Variants in ESRRG observed in about 807,000 individuals in gnomAD.
ESRRG encodes the protein estrogen related receptor gamma.
Under a neutral mutation model 44.0 loss-of-function variants are expected in ESRRG, and 13 were observed. That is an observed-to-expected ratio of 0.30 (90% CI 0.19 to 0.47). The LOEUF (loss-of-function observed/expected upper bound fraction) is 0.47, where lower values mean the gene tolerates loss of function less well. ESRRG is among the 20% of genes least tolerant of loss of function. The pLI is 1.00. For missense variants in ESRRG, 395 were observed against 580.6 expected (o/e 0.68, Z 3.29); for synonymous variants, 215 against 214.6 (o/e 1.00, Z -0.02).
chr1:216,673,836 G>A lies in ESRRG; in HGVS notation c.472+3240C>T, dbSNP rs115059377. On this transcript the variant is annotated intron_variant, in intron 2 of 6. Coordinates refer to ENST00000408911, the MANE Select transcript of ESRRG (RefSeq NM_001438.4). Reference sequence around the variant, plus strand: ...TACTTCCTCAAGGCAGGAGACATTTGTTAGAGGAATTCATCTCAATCCACA... The same window carrying A: ...TACTTCCTCAAGGCAGGAGACATTTATTAGAGGAATTCATCTCAATCCACA... 3.3e-3 allele frequency among the ~76,000 whole-genome samples: 500 copies of A among 152,282 alleles called. 1 individual carries two copies. Among genetic ancestry groups the A allele is most frequent in the African/African-American group, 0.012 (490 of 41,544 alleles).
chr1:216,779,448 T>TTATAAA (rs1409128917), intron 2 of ESRRG, among the ~76,000 whole-genome samples: 1 of 24,350 alleles, frequency 4.1e-5, no homozygotes, highest in East Asian at 8.9e-4. Flanking sequence ...AAATAAATAT[T>TTATAAA]TATAAATATA....
At chr1:216,900,618 T>C (rs2149481080) in intron 2 of ESRRG, among the ~76,000 whole-genome samples, 1 of 152,304 alleles carries the variant, frequency 6.6e-6, no homozygotes, top group South Asian at 2.1e-4. Flanking sequence ...CAAACTTTTA[T>C]ATGAAGAGTC....
intron 1 of ESRRG, among the ~76,000 whole-genome samples, chr1:216,700,128 T>TC (rs1202839472): frequency 6.6e-6 from 1 of 151,050 alleles, no homozygotes; most frequent in Non-Finnish European, 1.5e-5. Flanking sequence ...CCGCACCTTT[T>TC]TTTTTTTAAC....
At chr1:216,902,082 T>G (rs2059141971) in intron 2 of ESRRG, among the ~76,000 whole-genome samples, 1 of 152,220 alleles carries the variant, frequency 6.6e-6, no homozygotes, top group Non-Finnish European at 1.5e-5. Context: ...TTCATCTACA[T>G]GATCTTCTCA....
At chr1:216,788,979 G>T (rs1459013748) in intron 2 of ESRRG, among the ~76,000 whole-genome samples, 1 of 152,168 alleles carries the variant, frequency 6.6e-6, no homozygotes, top group African/African-American at 2.4e-5. Context: ...GATAAAACTT[G>T]AATAGAGGAG....
intron 2 of ESRRG, among the ~76,000 whole-genome samples, chr1:216,899,301 C>A (rs1053064706): frequency 6.6e-6 from 1 of 152,006 alleles, no homozygotes; most frequent in East Asian, 1.9e-4. Context: ...CTTATTAGTG[C>A]GAAACTTTAT....
chr1:217,076,713 T>C (rs1340674941), intron 1 of ESRRG: 2 of 152,224 alleles, frequency 1.3e-5, no homozygotes, highest in African/African-American at 4.8e-5. Flanking sequence ...AGTTGTACCA[T>C]TTAAAAGCTA....
At chr1:216,924,719 G>A (rs953047112) in intron 2 of ESRRG, among the ~76,000 whole-genome samples, 1 of 152,130 alleles carries the variant, frequency 6.6e-6, no homozygotes, top group Admixed American at 6.6e-5. Flanking sequence ...ATGGCTTTTT[G>A]TTGTTATTGA....
chr1:216,555,350 T>C (rs540088690), intron 5 of ESRRG, among the ~76,000 whole-genome samples: 1 of 152,356 alleles, frequency 6.6e-6, no homozygotes, highest in East Asian at 1.9e-4. Context: ...AAGGTAACAA[T>C]TCTATTTTGT....
At chr1:216,888,764 G>A (rs923603228) in intron 2 of ESRRG, among the ~76,000 whole-genome samples, 3 of 151,286 alleles carry the variant, frequency 2.0e-5, no homozygotes, top group African/African-American at 7.3e-5. Flanking sequence ...ATAGAGCCCC[G>A]AAGATCAATA....
At chr1:216,586,067 AT>A (rs1558655382) in intron 3 of ESRRG, among the ~76,000 whole-genome samples, 1 of 148,458 alleles carries the variant, frequency 6.7e-6, no homozygotes, top group African/African-American at 2.5e-5. Flanking sequence ...TAATAAAGTT[AT>A]TTTTTAAAAG....
chr1:216,675,365 A>T (rs1424600319), intron 2 of ESRRG, among the ~76,000 whole-genome samples: 3 of 152,136 alleles, frequency 2.0e-5, no homozygotes, highest in Non-Finnish European at 4.4e-5. Context: ...TGCCTCAAAA[A>T]GAAAAAAAAA....
At chr1:216,592,503 C>CTTT (rs796962095) in intron 3 of ESRRG, among the ~76,000 whole-genome samples, 2 of 147,562 alleles carry the variant, frequency 1.4e-5, no homozygotes, top group Admixed American at 1.4e-4. Flanking sequence ...TGTCATCTAT[C>CTTT]TTTTTTTTTT....
At chr1:216,711,474 T>G (rs900334685) in intron 1 of ESRRG, among the ~76,000 whole-genome samples, 2 of 152,164 alleles carry the variant, frequency 1.3e-5, no homozygotes, top group African/African-American at 4.8e-5. Context: ...TTTGAGGTGT[T>G]GGTATCTTTT....
chr1:216,790,128 G>T (rs529514167), intron 2 of ESRRG, among the ~76,000 whole-genome samples: 1 of 152,252 alleles, frequency 6.6e-6, no homozygotes, highest in Admixed American at 6.5e-5. Context: ...CATCAGGCTG[G>T]ATCTCCTAAA....
intron 2 of ESRRG, among the ~76,000 whole-genome samples, chr1:216,844,113 C>T (rs2095698875): frequency 6.6e-6 from 1 of 152,076 alleles, no homozygotes; most frequent in South Asian, 2.1e-4. Context: ...AGGAAGAAGG[C>T]TCTGCTTCTC....
At chr1:216,604,201 A>T (rs1448912330) in intron 3 of ESRRG, among the ~76,000 whole-genome samples, 3 of 152,190 alleles carry the variant, frequency 2.0e-5, no homozygotes, top group Non-Finnish European at 4.4e-5. Flanking sequence ...GCAAAAACTG[A>T]ACAGGGATTG....
chr1:216,580,082 G>A (rs576705232), intron 3 of ESRRG, among the ~76,000 whole-genome samples: 3 of 152,078 alleles, frequency 2.0e-5, no homozygotes, highest in African/African-American at 7.2e-5. Context: ...AAATGATTTT[G>A]GTGTATGTTG....
At chr1:216,839,745 C>T (rs1438485944) in intron 2 of ESRRG, among the ~76,000 whole-genome samples, 2 of 152,188 alleles carry the variant, frequency 1.3e-5, no homozygotes, top group Non-Finnish European at 2.9e-5. Flanking sequence ...ATGAAACCTT[C>T]ATCTCCTTGT....
Sources: gnomAD v4.1 joint callset for allele counts (sites outside exome capture counted in the v4.1 genomes callset) on GRCh38, gnomAD v4.1.1 for gene constraint, MANE v1.5 for transcripts, NCBI Gene and HGNC (gene_info 2026-07-23, HGNC 2026-07-21) for gene names.